Variants in PSD3 observed in about 807,000 individuals in gnomAD.
PSD3 encodes PH and SEC7 domain-containing protein 3.
A neutral mutation model predicts 105.5 loss-of-function variants in PSD3; 49 were observed. That is an observed-to-expected ratio of 0.46 (90% confidence interval 0.37 to 0.59). The LOEUF is 0.59. PSD3 is among the 20% of genes least tolerant of loss of function. PSD3 has a pLI of 0.00. For synonymous variants in PSD3, 557 were observed against 457.8 expected, an observed-to-expected ratio of 1.22 and a Z score of -2.77; for missense variants, 1,561 against 1,263.8, an observed-to-expected ratio of 1.24 and a Z score of -3.57.
At chr8:18,983,616 G>A (rs73666775) in intron 1 of PSD3, among the ~76,000 whole-genome samples, 4,872 of 152,188 alleles carry the variant, frequency 0.032, 272 homozygotes, top group African/African-American at 0.11. Flanking sequence ...AGGACCAGTC[G>A]TGGAGCAGCC....
At chr8:18,752,511 A>AC (rs1805599889) in intron 9 of PSD3, among the ~76,000 whole-genome samples, 1 of 57,668 alleles carries the variant, frequency 1.7e-5, no homozygotes, top group African/African-American at 1.1e-4. Flanking sequence ...AATATATATA[A>AC]TATATGTAAT....
At chr8:18,683,719 A>G (rs1029516386) in intron 9 of PSD3, 9 of 748,070 alleles carry the variant, frequency 1.2e-5, no homozygotes, top group Non-Finnish European at 2.2e-5. Context: ...AGACTATCCA[A>G]TTCTGTTGCC....
At chr8:19,026,886 T>A (rs949152592) in intron 1 of PSD3, among the ~76,000 whole-genome samples, 7 of 150,968 alleles carry the variant, frequency 4.6e-5, no homozygotes, top group African/African-American at 1.2e-4. Flanking sequence ...CACCCAAAAA[T>A]ATATATATAT....
chr8:18,959,726 C>G (rs548790119), intron 1 of PSD3, among the ~76,000 whole-genome samples: 98 of 152,254 alleles, frequency 6.4e-4, no homozygotes, highest in African/African-American at 2.1e-3. Flanking sequence ...AGCCAGACCT[C>G]CCCAGCCAGT....
chr8:18,582,816 C>CTTTTTTTTTTTTT (rs71217386), intron 12 of PSD3, among the ~76,000 whole-genome samples: 7 of 125,468 alleles, frequency 5.6e-5, no homozygotes, highest in Non-Finnish European at 8.1e-5. Flanking sequence ...CCACACTGAT[C>CTTTTTTTTTTTTT]TTTTTTTTTT....
chr8:18,843,829 T>G (rs1351803352), intron 4 of PSD3, among the ~76,000 whole-genome samples: 3 of 152,160 alleles, frequency 2.0e-5, no homozygotes, highest in Non-Finnish European at 2.9e-5. Context: ...AGGTACCATG[T>G]CAAGCACTTC....
chr8:18,619,582 G>T, intron 11 of PSD3, among the ~76,000 whole-genome samples: 1 of 151,756 alleles, frequency 6.6e-6, no homozygotes, highest in South Asian at 2.1e-4. Flanking sequence ...GGCAGAGGTT[G>T]TAGTGAGCTG....
At chr8:18,831,391 T>C (rs1038419117) in intron 4 of PSD3, among the ~76,000 whole-genome samples, 1 of 152,216 alleles carries the variant, frequency 6.6e-6, no homozygotes, top group Non-Finnish European at 1.5e-5. Context: ...GATCACCGTA[T>C]TTTTAGTTCC....
At chr8:18,947,084 G>A (rs1822912198) in intron 1 of PSD3, among the ~76,000 whole-genome samples, 1 of 152,080 alleles carries the variant, frequency 6.6e-6, no homozygotes, top group Non-Finnish European at 1.5e-5. Flanking sequence ...TCCCCTCACA[G>A]ACTAACTGGA....
intron 4 of PSD3, among the ~76,000 whole-genome samples, chr8:18,851,202 A>G (rs1034856876): frequency 6.6e-6 from 1 of 152,202 alleles, no homozygotes; most frequent in African/African-American, 2.4e-5. Context: ...TCATCCTCAC[A>G]ATAGTCCCAT....
intron 10 of PSD3, among the ~76,000 whole-genome samples, chr8:18,641,931 A>T (rs1444193567): frequency 1.3e-5 from 2 of 152,210 alleles, no homozygotes; most frequent in Admixed American, 1.3e-4. Flanking sequence ...CATGTAGTTA[A>T]ATTTTAAAAT....
chr8:18,545,336 G>T (rs1375836704), intron 15 of PSD3, among the ~76,000 whole-genome samples: 3 of 152,054 alleles, frequency 2.0e-5, no homozygotes, highest in East Asian at 3.9e-4. Context: ...CACCCACAAG[G>T]CCTCTGGCTC....
chr8:18,545,798 C>T (rs928884376), intron 15 of PSD3, among the ~76,000 whole-genome samples: 6 of 152,134 alleles, frequency 3.9e-5, no homozygotes. Context: ...CAGAGTTCTC[C>T]ATGTCAGCTT....
At chr8:18,913,501 T>C (rs1369033003) in intron 2 of PSD3, among the ~76,000 whole-genome samples, 1 of 152,106 alleles carries the variant, frequency 6.6e-6, no homozygotes, top group Non-Finnish European at 1.5e-5. Flanking sequence ...CCCTTGCAGA[T>C]AGAGACTCCA....
At chr8:19,069,438 C>A (rs1489803464) in intron 1 of PSD3, among the ~76,000 whole-genome samples, 1 of 152,134 alleles carries the variant, frequency 6.6e-6, no homozygotes, top group Admixed American at 6.6e-5. Flanking sequence ...ACTAGACTCC[C>A]TAAAAGTGCT....
intron 9 of PSD3, among the ~76,000 whole-genome samples, chr8:18,685,107 G>A (rs775861114): frequency 2.0e-5 from 3 of 152,108 alleles, no homozygotes; most frequent in South Asian, 2.1e-4. Flanking sequence ...TGGGAAAAAC[G>A]TCAGCCTCAA....
chr8:18,883,784 T>C (rs530611550), intron 2 of PSD3, among the ~76,000 whole-genome samples: 2 of 152,320 alleles, frequency 1.3e-5, no homozygotes, highest in East Asian at 1.9e-4. Flanking sequence ...AAGGGTCTTA[T>C]AATCTATTTC....
chr8:18,743,959 T>TCACCACCACCACCACCACCAC lies in PSD3; in HGVS notation c.2172+21469_2172+21489dup, dbSNP rs111311023. On this transcript the variant is annotated intron_variant, in intron 9 of 15. Transcript: ENST00000327040. ...TGGGTGAAAGTGCAAACTCTGTCTCTCACCACCACCACCACCACCACCACC... is the reference window on the plus strand; with the variant it reads ...TGGGTGAAAGTGCAAACTCTGTCTCTCACCACCACCACCACCACCACCACCACCACCACCACCACCACCACC... Among the ~76,000 whole-genome samples, 175 of 138,854 alleles carry TCACCACCACCACCACCACCAC rather than the reference T, an allele frequency of 1.3e-3. 3 individuals carry two copies. The highest frequency in any genetic ancestry group is 4.4e-3 in the East Asian group (20 of 4,560). 91.1% of individuals were successfully genotyped at this position (138,854 alleles called of 152,430 possible).
At position 18,835,182 on chromosome 8, in the gene PSD3, C is replaced by A. The variant is rs182187657; in HGVS notation, c.1635-30284G>T. Among the ~76,000 whole-genome samples, 434 of 152,222 alleles carry A rather than the reference C, an allele frequency of 2.9e-3. 2 individuals are homozygous for A. The highest frequency in any genetic ancestry group is 9.4e-3 in the African/African-American group (389 of 41,542). On this transcript the variant is annotated intron_variant, in intron 4 of 15. Coordinates refer to ENST00000327040, the MANE Select transcript of PSD3 (RefSeq NM_015310.4). ...CTTAAAATATGCATATCCTAAGAAC[C>A]AGCAATTATATGTCTAAGCATTTAT...
Sources: allele counts gnomAD v4.1 joint callset (sites outside exome capture counted in the v4.1 genomes callset), GRCh38; gene constraint gnomAD v4.1.1; transcripts MANE v1.5; gene names NCBI Gene and HGNC (gene_info 2026-07-23, HGNC 2026-07-21).